MYO15A: variants seen among roughly 807,000 people sequenced by gnomAD.
MYO15A encodes the protein unconventional myosin-XV.
In MYO15A, 308 loss-of-function variants were observed where a neutral mutation model predicts 394.6. That is an observed-to-expected ratio of 0.78 (90% CI 0.71 to 0.86). The LOEUF is 0.86. Among genes scored for constraint, MYO15A ranks in the 40% least tolerant of loss-of-function variants. MYO15A has a pLI of 0.00. For missense variants in MYO15A, 4,606 were observed against 4,799.1 expected, an observed-to-expected ratio of 0.96 and a Z score of 1.19; for synonymous variants, 1,957 against 2,003.8, an observed-to-expected ratio of 0.98 and a Z score of 0.62.
In MYO15A at chr17:18,154,701, G is replaced by A. The variant is rs142465521; in HGVS notation, c.8170G>A (p.Glu2724Lys). The change falls in exon 45 of 66, where the codon GAG becomes AAG. Residue 2724 changes from glutamate to lysine, a missense_variant. Around this residue, in one of 2 missense-constraint regions of MYO15A, gnomAD observed 2,776 missense variants for 3,109.3 expected, o/e 0.89. Coordinates refer to ENST00000647165, the MANE Select transcript of MYO15A (RefSeq NM_016239.4). ...ACAGATCCTGCACGACACGCTCTCCGAGGCCTGCCTTCGCATCTCTGAGGA... is the reference window on the plus strand; with the variant it reads ...ACAGATCCTGCACGACACGCTCTCCAAGGCCTGCCTTCGCATCTCTGAGGA... ...FRQILHDTLSEACLRISEDER... is the reference protein window; with the variant it reads ...FRQILHDTLSKACLRISEDER... 113 of 1,613,540 alleles carry A rather than the reference G, an allele frequency of 7.0e-5. No individual in the cohort carries two copies. Among genetic ancestry groups the A allele is most frequent in the East Asian group, 3.6e-4 (16 of 44,888 alleles).
rs749375966 is a variant in MYO15A at position 18,135,686 on chromosome 17, A to G, written c.4483-25A>G. 6.9e-6 allele frequency: 11 copies of G among 1,605,148 alleles called. No individual in the cohort carries two copies. In the African/African-American group the frequency reaches 1.2e-4, roughly 18 times the overall value. On this transcript the variant is annotated intron_variant, in intron 12 of 65. Coordinates refer to ENST00000647165, the MANE Select transcript of MYO15A (RefSeq NM_016239.4). Reference sequence around the variant, plus strand: ...AAATTTAGCCTATCTAGTTCAAAGCACATTCCTGTTGGTATTTTGCATAGA... The same window carrying G: ...AAATTTAGCCTATCTAGTTCAAAGCGCATTCCTGTTGGTATTTTGCATAGA...
intron 12 of MYO15A, among the ~76,000 whole-genome samples, 163 bp downstream of exon 12, chr17:18,133,549 T>G (rs1234773435): frequency 6.6e-6 from 1 of 152,240 alleles, no homozygotes; most frequent in Non-Finnish European, 1.5e-5. Context: ...CCTCCTTATA[T>G]ATATTAAGGA....
chr17:18,122,117 G>A lies in MYO15A; in HGVS notation c.3317G>A (p.Arg1106Gln), dbSNP rs199952218. The stretch of plus-strand genomic sequence containing the variant: ...GAGCCCCTGCCCAAGGGGGGTGAAC[G>A]GCGCCAGGCAGCCCCTGGGCGTTTT... ...APEPLPKGGE[R>Q]RQAAPGRFAV... Residue 1106 changes from arginine to glutamine, a missense_variant, in exon 2 of 66, where the codon CGG becomes CAG. Coordinates refer to ENST00000647165, the MANE Select transcript of MYO15A (RefSeq NM_016239.4). 3.3e-5 allele frequency: 54 copies of A among 1,612,774 alleles called. No homozygotes were observed. Among genetic ancestry groups the A allele is most frequent in the African/African-American group, 5.3e-5 (4 of 74,942 alleles).
intron 65 of MYO15A, 142 bp from the exon 66 acceptor site, chr17:18,178,627 C>G (rs570669177): frequency 1.2e-6 from 1 of 820,212 alleles, no homozygotes; most frequent in South Asian, 1.4e-5. Flanking sequence ...CTCTCAGGCC[C>G]TGGGGGAGGT....
Position 18,138,906 on chromosome 17 carries a change from C to T in MYO15A, c.5103C>T (p.Ile1701=). ...KPKMPLPEFT[I]KHYAGKVTYQ... ...AGATGCCGCTGCCTGAGTTCACCAT[C>T]AAGCACTATGCAGGCAAGGTCACCT... is the stretch of plus-strand genomic sequence containing the variant. The change falls in exon 18 of 66, where the codon ATC becomes ATT. Residue 1701 remains isoleucine (I), a synonymous_variant. Transcript: ENST00000647165. The T allele has an allele frequency of 6.2e-7, 1 of 1,613,100 alleles. No homozygotes were observed. Among genetic ancestry groups the T allele is most frequent in the South Asian group, 1.1e-5 (1 of 90,810 alleles).
rs1435537869 is a variant in MYO15A, at chr17:18,120,512, C to T, written c.1712C>T (p.Ser571Leu). 2 of 1,581,694 alleles carry T rather than the reference C, an allele frequency of 1.3e-6. No homozygotes were observed. The highest frequency in any genetic ancestry group is 1.7e-6 in the Non-Finnish European group (2 of 1,167,162). The change falls in exon 2 of 66, where the codon TCG becomes TTG. Residue 571 changes from serine to leucine, a missense_variant. Coordinates refer to ENST00000647165, the MANE Select transcript of MYO15A (RefSeq NM_016239.4). ...FGRPVPRPAT[S>L]LARFLKKTLS... Reference sequence around the variant, plus strand: ...CGCCCCGTGCCTCGCCCTGCCACCTCGCTTGCGCGGTTCCTCAAGAAGACG... The same window carrying T: ...CGCCCCGTGCCTCGCCCTGCCACCTTGCTTGCGCGGTTCCTCAAGAAGACG...
rs745452640 is a variant in MYO15A at position 18,159,629 on chromosome 17, G to GC, written c.9257dup (p.Leu3087ThrfsTer6). On this transcript the variant is annotated frameshift_variant, in exon 55 of 66. Transcript: ENST00000647165. LOFTEE classifies it high-confidence loss of function. The stretch of plus-strand genomic sequence containing the variant: ...AGCTGTAATGAGGTTCATGGGGGAT[G>GC]CCCCACTGAAGGGCCAGAGTGACCT... 6.2e-7 allele frequency: 1 copy of GC among 1,614,052 alleles called. No homozygotes were observed. Among genetic ancestry groups the GC allele is most frequent in the Non-Finnish European group, 8.5e-7 (1 of 1,180,030 alleles).
At chr17:18,178,278 G>A (rs2047042755) in intron 65 of MYO15A, 1 of 256,926 alleles carries the variant, frequency 3.9e-6, no homozygotes, top group South Asian at 4.4e-5. Flanking sequence ...GCTGAGGCAG[G>A]AGAATCGCTT....
Position 18,122,279 on chromosome 17 carries a change from G to T in MYO15A, c.3479G>T (p.Arg1160Leu), listed in dbSNP as rs375220157. Reference protein sequence around the residue: ...CSLRWSCLWLRADAYGPWPRV... With the variant: ...CSLRWSCLWLLADAYGPWPRV... ...CTTCGCTGGTCCTGCCTCTGGCTTC[G>T]GGCAGATGCCTATGGACCCTGGCCA... is the stretch of plus-strand genomic sequence containing the variant. Residue 1160 changes from arginine to leucine, a missense_variant, in exon 2 of 66, where the codon CGG becomes CTG. This residue lies in a region of MYO15A where 1,830 missense variants were observed against 1,689.7 expected (regional missense o/e 1.08). Coordinates refer to ENST00000647165, the MANE Select transcript of MYO15A (RefSeq NM_016239.4). The T allele has an allele frequency of 9.3e-6, 15 of 1,612,948 alleles. No individual in the cohort carries two copies. In the African/African-American group the frequency reaches 2.0e-4, roughly 22 times the overall value.
Position 18,150,862 on chromosome 17 carries a change from G to A in MYO15A, c.7422G>A (p.Thr2474=), listed in dbSNP as rs374624571. 22 of 1,597,034 alleles carry A rather than the reference G, an allele frequency of 1.4e-5. No homozygotes were observed. Among genetic ancestry groups the A allele is most frequent in the Non-Finnish European group, 1.8e-5 (21 of 1,172,276 alleles). ...CCCGGGAGATGACCCTGCAGGCCAC[G>A]GCACTCCAGCAGCAGCCCCTGAGTG... ...LLAREMTLQA[T]ALQQQPLSAA... is the part of the protein sequence containing the mutation. Residue 2474 remains threonine, a synonymous_variant, in exon 38 of 66, where the codon ACG becomes ACA. Coordinates refer to ENST00000647165, the MANE Select transcript of MYO15A (RefSeq NM_016239.4). The surrounding 1 kb of genome is among the most constrained non-coding windows in gnomAD (Gnocchi z 4.4).
intron 58 of MYO15A, among the ~76,000 whole-genome samples, chr17:18,162,996 T>C (rs895084994): frequency 2.6e-5 from 4 of 152,132 alleles, no homozygotes; most frequent in African/African-American, 9.7e-5. Context: ...CGAGACTCCA[T>C]GTCAAAAAAC....
intron 42 of MYO15A, among the ~76,000 whole-genome samples, chr17:18,152,887 AAGGTCTGCCT>A (rs2046607665): frequency 6.6e-6 from 1 of 152,126 alleles, no homozygotes; most frequent in Admixed American, 6.5e-5. Context: ...TCACCTCGGC[AAGGTCTGCCT>A]AGATTGCTAG....
Position 18,118,982 on chromosome 17 carries a change from G to C in MYO15A, c.182G>C (p.Trp61Ser). 1 of 1,612,972 alleles carries C rather than the reference G, an allele frequency of 6.2e-7. No homozygotes were observed. The highest frequency in any genetic ancestry group is 1.1e-5 in the South Asian group (1 of 91,064). ...TTCCGCAGCGCCTCGGCCTTCTTCT[G>C]GGGCCTCCACACCGGCCCCCAGAAG... ...GQFRSASAFF[W>S]GLHTGPQKTK... The change falls in exon 2 of 66, where the codon TGG (tryptophan) becomes TCG (serine). Residue 61 changes from tryptophan to serine, a missense_variant. Coordinates refer to ENST00000647165, the MANE Select transcript of MYO15A (RefSeq NM_016239.4).
At chr17:18,135,234 G>A (rs902504342) in intron 12 of MYO15A, among the ~76,000 whole-genome samples, 2 of 151,976 alleles carry the variant, frequency 1.3e-5, no homozygotes, top group African/African-American at 2.4e-5. Flanking sequence ...GTAATGGTGC[G>A]ATCTCAGCTC....
intron 62 of MYO15A, among the ~76,000 whole-genome samples, 197 bp from the exon 63 acceptor site, chr17:18,171,441 C>G (rs745816123): frequency 6.6e-6 from 1 of 152,226 alleles, no homozygotes; most frequent in Non-Finnish European, 1.5e-5. Flanking sequence ...CCTAGCAGTA[C>G]TGGCCCCGGC....
chr17:18,161,596 G>A (rs1400721944), intron 57 of MYO15A, 149 bp downstream of exon 57: 3 of 1,297,162 alleles, frequency 2.3e-6, no homozygotes, highest in Non-Finnish European at 3.3e-6. Flanking sequence ...CCAAACATTT[G>A]TTAAGGTTTC....
At position 18,145,926 on chromosome 17, in the gene MYO15A, G is replaced by A. The variant is rs756396137; in HGVS notation, c.6328G>A (p.Gly2110Arg). Reference sequence around the variant, plus strand: ...GCATGGTGCCCGGGAGAACATCTTCGGGAACTACATCGTGCAGAAGGGGCT... The same window carrying A: ...GCATGGTGCCCGGGAGAACATCTTCAGGAACTACATCGTGCAGAAGGGGCT... ...HLHGARENIF[G>R]NYIVQKGLAV... The change falls in exon 30 of 66, where the codon GGG (glycine) becomes AGG (arginine). Residue 2110 changes from glycine to arginine, a missense_variant. Physicochemically the swap from Gly to Arg is moderately radical, Grantham distance 125. Around this residue, in one of 2 missense-constraint regions of MYO15A, gnomAD observed 2,776 missense variants for 3,109.3 expected, o/e 0.89. Transcript: ENST00000647165. 15 of 1,613,478 alleles carry A rather than the reference G, an allele frequency of 9.3e-6. No homozygotes were observed. The highest frequency in any genetic ancestry group is 6.7e-5 in the Admixed American group (4 of 59,978).
At position 18,148,384 on chromosome 17, in the gene MYO15A, AG is replaced by A; in HGVS notation, c.6692-109del. On this transcript the variant is annotated intron_variant, in intron 31 of 65. Transcript: ENST00000647165. This position sits in a 1 kb window ranked among gnomAD's most constrained non-coding sequence, Gnocchi z 4.8. ...GGACCTGGCCCAGGAAAGGGGAGCC[AG>A]GGAAGTGAGGCTACAGATACAGGAA... The A allele has an allele frequency of 6.8e-7, 1 of 1,465,754 alleles. No individual in the cohort carries two copies. Among genetic ancestry groups the A allele is most frequent in the Non-Finnish European group, 9.3e-7 (1 of 1,074,090 alleles). 90.8% of individuals were successfully genotyped at this position (1,465,754 alleles called of 1,614,324 possible). A position where few individuals can be genotyped will look rare whatever the true frequency, so the allele number is the denominator to read the frequency against.
In MYO15A at chr17:18,144,003, A is replaced by T; in HGVS notation, c.6177+3A>T. 6.2e-7 allele frequency: 1 copy of T among 1,613,458 alleles called. No individual in the cohort carries two copies. The highest frequency in any genetic ancestry group is 8.5e-7 in the Non-Finnish European group (1 of 1,180,000). On this transcript the variant is annotated splice_donor_region_variant and intron_variant, in intron 28 of 65. Transcript: ENST00000647165. ...AGTTTGTCCAGTGCCACTTCAAGGT[A>T]AGGGCTAGCTGAAGTCCAAGGCTCC...
Sources: gnomAD v4.1 joint callset for allele counts (sites outside exome capture counted in the v4.1 genomes callset) on GRCh38, gnomAD v4.1.1 for gene constraint, gnomAD v4.1.1 regional missense constraint, Gnocchi (gnomAD v3.1) non-coding constraint, MANE v1.5 for transcripts, NCBI Gene and HGNC (gene_info 2026-07-23, HGNC 2026-07-21) for gene names.